PAK1: variants seen among roughly 807,000 people sequenced by gnomAD.
PAK1 encodes the protein serine/threonine-protein kinase PAK 1.
In PAK1, 29 loss-of-function variants were observed where a neutral mutation model predicts 67.4. The ratio of observed to expected loss-of-function variants is 0.43; its 90% CI spans 0.32 to 0.59. PAK1 has a LOEUF of 0.59. Ranked by LOEUF, PAK1 falls within the 20% of genes least tolerant of loss-of-function variation. PAK1 has a pLI of 0.07. For synonymous variants in PAK1, 223 were observed against 237.4 expected, an observed-to-expected ratio of 0.94 and a Z score of 0.56; for missense variants, 337 against 670.7, an observed-to-expected ratio of 0.50 and a Z score of 5.50.
chr11:77,411,108 G>C (rs138828561), intron 1 of PAK1, among the ~76,000 whole-genome samples: 2 of 151,970 alleles, frequency 1.3e-5, no homozygotes, highest in East Asian at 1.9e-4. Flanking sequence ...CTTTGTCCCT[G>C]AAGAACCACC....
chr11:77,385,977 C>A (rs1950401994), intron 2 of PAK1, among the ~76,000 whole-genome samples: 2 of 152,186 alleles, frequency 1.3e-5, no homozygotes, highest in Admixed American at 1.3e-4. Context: ...TTCATTAAGA[C>A]AGAGAAACTG....
chr11:77,428,550 C>T (rs1403810801), intron 1 of PAK1, among the ~76,000 whole-genome samples: 3 of 145,836 alleles, frequency 2.1e-5, no homozygotes, highest in Non-Finnish European at 3.0e-5. Context: ...CCAGCCTGGG[C>T]GACAGAACAA....
intron 1 of PAK1, among the ~76,000 whole-genome samples, chr11:77,405,624 G>A (rs901860018): frequency 6.6e-6 from 1 of 150,546 alleles, no homozygotes; most frequent in African/African-American, 2.5e-5. Flanking sequence ...CTGGGTGAAT[G>A]TAAACAAGTT....
intron 1 of PAK1, among the ~76,000 whole-genome samples, chr11:77,468,222 C>G (rs1565724963): frequency 6.6e-6 from 1 of 152,138 alleles, no homozygotes; most frequent in East Asian, 1.9e-4. Context: ...TGCAAATTAC[C>G]TAACTCTGAC....
chr11:77,324,136 C>A (rs1939071453), intron 14 of PAK1, among the ~76,000 whole-genome samples: 1 of 149,582 alleles, frequency 6.7e-6, no homozygotes, highest in Non-Finnish European at 1.5e-5. Context: ...AAAATTGCAT[C>A]TAAATTTTCA....
At chr11:77,399,719 C>T (rs1430713619) in intron 1 of PAK1, among the ~76,000 whole-genome samples, 5 of 149,856 alleles carry the variant, frequency 3.3e-5, no homozygotes, top group Non-Finnish European at 7.4e-5. Context: ...ATTAGCCAGG[C>T]GTAGTGGCGG....
intron 4 of PAK1, among the ~76,000 whole-genome samples, chr11:77,375,375 A>G (rs950606954): frequency 6.6e-6 from 1 of 152,182 alleles, no homozygotes; most frequent in African/African-American, 2.4e-5. Flanking sequence ...TTCTATATCC[A>G]TATCTACTGC....
chr11:77,497,471 C>T, the PAK1 span, among the ~76,000 whole-genome samples: 10 of 152,312 alleles, frequency 6.6e-5, no homozygotes, highest in African/African-American at 2.4e-4. Flanking sequence ...AGGAAAGTGA[C>T]TCACTCAAAG....
chr11:77,398,252 C>A (rs1223795510), intron 1 of PAK1, among the ~76,000 whole-genome samples: 2 of 152,192 alleles, frequency 1.3e-5, no homozygotes, highest in Non-Finnish European at 2.9e-5. Flanking sequence ...TCCCTTTCCA[C>A]TAGCCCTCCA....
In PAK1 at chr11:77,337,464, A is replaced by G. The variant is rs1176532092; in HGVS notation, c.1117-41T>C. On this transcript the variant is annotated intron_variant, in intron 11 of 14. Transcript: ENST00000356341. Reference sequence around the variant, plus strand: ...GGGCAGGGGGAGAAAGAAAGGACATACATATAATACAGAAGACTTAATAGA... The same window carrying G: ...GGGCAGGGGGAGAAAGAAAGGACATGCATATAATACAGAAGACTTAATAGA... 3.0e-6 allele frequency: 3 copies of G among 994,004 alleles called. No homozygotes were observed. In the East Asian group the frequency reaches 7.2e-5, roughly 24 times the overall value. 61.6% of individuals were successfully genotyped at this position (994,004 alleles called of 1,614,324 possible).
intron 14 of PAK1, among the ~76,000 whole-genome samples, chr11:77,329,654 A>G (rs554941444): frequency 0.029 from 4,336 of 152,046 alleles, 194 homozygotes; most frequent in African/African-American, 0.098. Flanking sequence ...AGAGCTATCT[A>G]TGACAAACCC....
In PAK1 at chr11:77,343,810, AC is replaced by A. The variant is rs1449025847; in HGVS notation, c.998+8del. ...CCCTTTCCCTCTGATGGGACCCACC[AC>A]TCCATACCTGTCCAAGTAATTCACA... On this transcript the variant is annotated splice_region_variant and intron_variant, in intron 10 of 14. Coordinates refer to ENST00000356341, the MANE Select transcript of PAK1 (RefSeq NM_002576.5). The A allele has an allele frequency of 2.0e-6, 3 of 1,522,772 alleles. No homozygotes were observed. Among genetic ancestry groups the A allele is most frequent in the Non-Finnish European group, 2.7e-6 (3 of 1,097,052 alleles). The allele number at this position is 1,522,772 out of a possible 1,614,324, so 94.3% of individuals were successfully genotyped here.
chr11:77,353,719 AG>A, intron 7 of PAK1, 120 bp from the exon 8 acceptor site: 1 of 749,766 alleles, frequency 1.3e-6, no homozygotes. Context: ...ATAGCCAAAA[AG>A]CATGCTAAAC....
chr11:77,505,430 C>T, the PAK1 span, among the ~76,000 whole-genome samples: 1 of 152,216 alleles, frequency 6.6e-6, no homozygotes, highest in Non-Finnish European at 1.5e-5. Context: ...TCAAGTGATC[C>T]ACCCAACTTG....
At chr11:77,323,800 A>G (rs547713070) in intron 14 of PAK1, among the ~76,000 whole-genome samples, 4 of 152,226 alleles carry the variant, frequency 2.6e-5, no homozygotes, top group Non-Finnish European at 5.9e-5. Context: ...GTTGAATCTC[A>G]CAGACACATT....
rs1396778542 is a variant in PAK1 at position 77,473,820 on chromosome 11, C to A, written c.-290G>T. 1 of 151,636 alleles carries A rather than the reference C, an allele frequency of 6.6e-6. No homozygotes were observed. The highest frequency in any genetic ancestry group is 2.0e-4 in the East Asian group (1 of 5,066). The allele number at this position is 151,636 out of a possible 1,614,324, so 9.4% of individuals were successfully genotyped here. A position where few individuals can be genotyped will look rare whatever the true frequency, so the allele number is the denominator to read the frequency against. On this transcript the variant is annotated 5_prime_UTR_variant, in exon 1 of 15. Coordinates refer to ENST00000356341, the MANE Select transcript of PAK1 (RefSeq NM_002576.5). ...GAGGTGCGAAGGGCTCAGATGGCCTCTGAGGCAGGAGGTGGTAACTGGATG... is the reference window on the plus strand; with the variant it reads ...GAGGTGCGAAGGGCTCAGATGGCCTATGAGGCAGGAGGTGGTAACTGGATG...
At chr11:77,379,582 G>A in intron 3 of PAK1, 194 bp from the exon 4 acceptor site, 2 of 600,804 alleles carry the variant, frequency 3.3e-6, no homozygotes, top group Non-Finnish European at 2.9e-6. Context: ...TTCTTAAGAT[G>A]TCTGCTCCTT....
At chr11:77,525,008 G>A in the PAK1 span, among the ~76,000 whole-genome samples, 2 of 152,092 alleles carry the variant, frequency 1.3e-5, no homozygotes, top group African/African-American at 4.8e-5. Flanking sequence ...TGAATACAAT[G>A]AGATGTTTTT....
chr11:77,428,828 A>G (rs940944262), intron 1 of PAK1, among the ~76,000 whole-genome samples: 1 of 151,722 alleles, frequency 6.6e-6, no homozygotes, highest in African/African-American at 2.4e-5. Flanking sequence ...GTGTGTCAGA[A>G]GCCAACCACA....
Sources: gnomAD v4.1 joint callset for allele counts (sites outside exome capture counted in the v4.1 genomes callset) on GRCh38, gnomAD v4.1.1 for gene constraint, MANE v1.5 for transcripts, NCBI Gene and HGNC (gene_info 2026-07-23, HGNC 2026-07-21) for gene names.